The following TSPAN11 variants were observed in gnomAD, a reference collection of about 807,000 sequenced individuals.
TSPAN11 encodes the protein tetraspanin 11, also known as tetraspanin-11.
In TSPAN11, 29 loss-of-function variants were observed where a neutral mutation model predicts 32.9. That is an observed-to-expected ratio of 0.88 (90% CI 0.66 to 1.20). TSPAN11 has a LOEUF of 1.20. Ranked by LOEUF, TSPAN11 falls within the 50% of genes most tolerant of loss-of-function variation. The pLI is 0.00. For synonymous variants in TSPAN11, 140 were observed against 141.3 expected (o/e 0.99, Z 0.07); for missense variants, 283 against 329.1 (o/e 0.86, Z 1.08).
At chr12:30,958,523 GTATAGGGCTCAGC>G (rs1236150560) in intron 2 of TSPAN11, among the ~76,000 whole-genome samples, 2 of 152,156 alleles carry the variant, frequency 1.3e-5, no homozygotes, top group Non-Finnish European at 2.9e-5. Flanking sequence ...CTGCATGTGG[GTATAGGGCTCAGC>G]TGTGCTCTCT....
At chr12:30,982,465 T>C in intron 5 of TSPAN11, 67 bp from the exon 6 acceptor site, 1 of 1,537,838 alleles carries the variant, frequency 6.5e-7, no homozygotes, top group South Asian at 1.3e-5. Flanking sequence ...TTGAATAATG[T>C]GTCCTGCAGC....
In TSPAN11 at chr12:30,995,138, C is replaced by G. The variant is rs549208809; in HGVS notation, c.*3223C>G. ...GAGCCCAAAGGGCTAAGGCCCGTGA[C>G]GACCACCCAGCCCGTCACCCCAGGT... On this transcript the variant is annotated 3_prime_UTR_variant, in exon 8 of 8. Coordinates refer to ENST00000546076, the MANE Select transcript of TSPAN11 (RefSeq NM_001370302.1). The G allele has an allele frequency of 1.3e-5, 2 of 152,484 alleles. No individual in the cohort carries two copies. Among genetic ancestry groups the G allele is most frequent in the East Asian group, 3.9e-4 (2 of 5,176 alleles). 9.4% of individuals were successfully genotyped at this position (152,484 alleles called of 1,614,324 possible). A position where few individuals can be genotyped will look rare whatever the true frequency, so the allele number is the denominator to read the frequency against.
At chr12:30,931,879 C>CAGAAA (rs1937939093) in intron 1 of TSPAN11, among the ~76,000 whole-genome samples, 1 of 60,872 alleles carries the variant, frequency 1.6e-5, no homozygotes, top group African/African-American at 6.3e-5. Flanking sequence ...GACGCTGTAT[C>CAGAAA]AAAAAAAAAA....
chr12:30,963,415 C>T (rs756866396), intron 2 of TSPAN11, among the ~76,000 whole-genome samples: 7 of 152,176 alleles, frequency 4.6e-5, no homozygotes, highest in Non-Finnish European at 8.8e-5. Flanking sequence ...CAGGGAAGTG[C>T]GGACAGAGGG....
intron 2 of TSPAN11, among the ~76,000 whole-genome samples, chr12:30,958,799 T>G (rs916547686): frequency 2.0e-4 from 30 of 152,112 alleles, no homozygotes; most frequent in African/African-American, 6.8e-4. Flanking sequence ...AGTGGCAGTG[T>G]CAGGCATGGG....
At chr12:30,928,811 G>A (rs1937855716) in intron 1 of TSPAN11, among the ~76,000 whole-genome samples, 1 of 152,122 alleles carries the variant, frequency 6.6e-6, no homozygotes. Flanking sequence ...CCACCTCCCA[G>A]CCATGATCAC....
intron 2 of TSPAN11, among the ~76,000 whole-genome samples, chr12:30,960,865 C>A (rs981666380): frequency 1.3e-5 from 2 of 151,654 alleles, no homozygotes; most frequent in African/African-American, 2.4e-5. Flanking sequence ...TTGATGAAAC[C>A]CCCTTTCTAC....
At chr12:31,015,082 G>T in the TSPAN11 span, among the ~76,000 whole-genome samples, 1 of 152,122 alleles carries the variant, frequency 6.6e-6, no homozygotes, top group Admixed American at 6.5e-5. This position sits in a 1 kb window ranked among gnomAD's most constrained non-coding sequence, Gnocchi z 4.9. Flanking sequence ...TTACATAAAC[G>T]CATATTCTTT....
At chr12:30,963,802 C>T (rs1281746037) in intron 2 of TSPAN11, 24 bp from the exon 3 acceptor site, 1 of 1,600,420 alleles carries the variant, frequency 6.2e-7, no homozygotes, top group African/African-American at 1.3e-5. Flanking sequence ...CCACCCCCTG[C>T]TCTAACCCGG....
chr12:30,956,485 G>C (rs954424752), intron 2 of TSPAN11, among the ~76,000 whole-genome samples: 1 of 152,092 alleles, frequency 6.6e-6, no homozygotes, highest in Non-Finnish European at 1.5e-5. Context: ...ACCTCCACCT[G>C]AACGAGGGCA....
chr12:31,013,867 G>A, the TSPAN11 span, among the ~76,000 whole-genome samples: 4 of 152,334 alleles, frequency 2.6e-5, no homozygotes, highest in Middle Eastern at 3.4e-3. Context: ...CAGCCACTCA[G>A]CATTGGAAAT....
the TSPAN11 span, among the ~76,000 whole-genome samples, chr12:31,012,349 C>T: frequency 3.9e-5 from 6 of 152,152 alleles, no homozygotes; most frequent in Non-Finnish European, 8.8e-5. Flanking sequence ...CCTTGGAAAC[C>T]AATAAATACA....
rs35075 is a variant in TSPAN11, at chr12:30,992,094, A to G, written c.*179A>G. The stretch of plus-strand genomic sequence containing the variant: ...ATAGCTTCTGTGCCCACCCAGGCAG[A>G]GACCCTCGGCCCCCTCTCCTCCATT... On this transcript the variant is annotated 3_prime_UTR_variant, in exon 8 of 8. Transcript: ENST00000546076. 284,895 of 673,070 alleles carry G rather than the reference A, an allele frequency of 0.42. 67,977 individuals are homozygous for G. The highest frequency in any genetic ancestry group is 0.95 in the East Asian group (34,808 of 36,638). 41.7% of individuals were successfully genotyped at this position (673,070 alleles called of 1,614,324 possible). A position where few individuals can be genotyped will look rare whatever the true frequency, so the allele number is the denominator to read the frequency against.
intron 1 of TSPAN11, among the ~76,000 whole-genome samples, chr12:30,932,004 T>C (rs1439971152): frequency 6.6e-6 from 1 of 151,070 alleles, no homozygotes; most frequent in Non-Finnish European, 1.5e-5. Flanking sequence ...TAAATGTTCA[T>C]TGAATGGACA....
chr12:30,947,803 G>A (rs958916033), intron 1 of TSPAN11, among the ~76,000 whole-genome samples: 2 of 152,018 alleles, frequency 1.3e-5, no homozygotes, highest in Non-Finnish European at 1.5e-5. Context: ...CTCACATTTC[G>A]AAACCAATCA....
chr12:30,995,418 G>A lies in TSPAN11; in HGVS notation c.*3503G>A, dbSNP rs938469579. The A allele has an allele frequency of 2.6e-5, 4 of 152,498 alleles. No individual in the cohort carries two copies. The highest frequency in any genetic ancestry group is 9.6e-5 in the African/African-American group (4 of 41,478). The allele number at this position is 152,498 out of a possible 1,614,324, so 9.4% of individuals were successfully genotyped here. A position where few individuals can be genotyped will look rare whatever the true frequency, so the allele number is the denominator to read the frequency against. On this transcript the variant is annotated 3_prime_UTR_variant, in exon 8 of 8. Transcript: ENST00000546076. The stretch of plus-strand genomic sequence containing the variant: ...TGGGGCTCTGGGGTGGACCCTGTGT[G>A]ATTTCTGTCAGGGAGCTTGTGCTGT...
rs1939391379 is a variant in TSPAN11 at position 30,995,103 on chromosome 12, C to G, written c.*3188C>G. 6.6e-6 allele frequency: 1 copy of G among 152,310 alleles called. No individual in the cohort carries two copies. Among genetic ancestry groups the G allele is most frequent in the Admixed American group, 6.5e-5 (1 of 15,292 alleles). The allele number at this position is 152,310 out of a possible 1,614,324, so 9.4% of individuals were successfully genotyped here. A position where few individuals can be genotyped will look rare whatever the true frequency, so the allele number is the denominator to read the frequency against. The stretch of plus-strand genomic sequence containing the variant: ...GACCCTCTGGGTGCAGGGGCTCAGG[C>G]AGTGGCCAAGAGCCCAAAGGGCTAA... On this transcript the variant is annotated 3_prime_UTR_variant, in exon 8 of 8. Coordinates refer to ENST00000546076, the MANE Select transcript of TSPAN11 (RefSeq NM_001370302.1).
the TSPAN11 span, among the ~76,000 whole-genome samples, chr12:31,015,241 T>C: frequency 1.3e-5 from 2 of 152,222 alleles, no homozygotes; most frequent in Non-Finnish European, 2.9e-5. This position sits in a 1 kb window ranked among gnomAD's most constrained non-coding sequence, Gnocchi z 4.9. Flanking sequence ...GTAAAAACTA[T>C]GGAGTCTCCC....
At chr12:30,983,527 G>A (rs142096681) in intron 7 of TSPAN11, among the ~76,000 whole-genome samples, 154 of 152,264 alleles carry the variant, frequency 1.0e-3, no homozygotes, top group Middle Eastern at 3.4e-3. Context: ...TTGTATGCAC[G>A]TATATGTGTT....
Sources: gnomAD v4.1 joint callset for allele counts (sites outside exome capture counted in the v4.1 genomes callset) on GRCh38, gnomAD v4.1.1 for gene constraint, Gnocchi (gnomAD v3.1) non-coding constraint, MANE v1.5 for transcripts, NCBI Gene and HGNC (gene_info 2026-07-23, HGNC 2026-07-21) for gene names.